Variants in EYA2 observed in about 807,000 individuals in gnomAD.
EYA2 encodes protein phosphatase EYA2.
A neutral mutation model predicts 69.2 loss-of-function variants in EYA2; 31 were observed. That is an observed-to-expected ratio of 0.45 (90% CI 0.34 to 0.60). EYA2 has a LOEUF of 0.60. Among genes scored for constraint, EYA2 ranks in the 20% least tolerant of loss-of-function variants. EYA2 has a pLI of 0.02. For missense variants in EYA2, 622 were observed against 701.2 expected (o/e 0.89, Z 1.28); for synonymous variants, 257 against 279.4 (o/e 0.92, Z 0.80).
chr20:47,059,636 A>C (rs772742207), intron 5 of EYA2, among the ~76,000 whole-genome samples: 1 of 152,238 alleles, frequency 6.6e-6, no homozygotes. Flanking sequence ...GGCATGAGCC[A>C]CTGTACCTGG....
intron 2 of EYA2, among the ~76,000 whole-genome samples, chr20:46,992,490 G>A (rs114844731): frequency 3.3e-4 from 51 of 152,274 alleles, no homozygotes; most frequent in East Asian, 2.5e-3. Context: ...GAGGAGTTAC[G>A]TAACCAGGTT....
intron 1 of EYA2, among the ~76,000 whole-genome samples, chr20:46,895,358 G>A (rs1409925491): frequency 6.6e-6 from 1 of 152,246 alleles, no homozygotes; most frequent in Non-Finnish European, 1.5e-5. Context: ...GGCGGTTCGC[G>A]ATAAGGGGCG....
chr20:46,987,964 C>CTCTCTCTATATATATATATATATA (rs1555809797), intron 1 of EYA2, among the ~76,000 whole-genome samples: 1 of 11,280 alleles, frequency 8.9e-5, no homozygotes, highest in Non-Finnish European at 1.7e-4. Flanking sequence ...CTCTCTCTCT[C>CTCTCTCTATATATATATATATATA]TATATATATA....
chr20:46,917,386 G>T (rs1359871217), intron 1 of EYA2, among the ~76,000 whole-genome samples: 1 of 152,228 alleles, frequency 6.6e-6, no homozygotes, highest in Non-Finnish European at 1.5e-5. Context: ...ACTTGCTTAA[G>T]ATTTGGCAAC....
intron 1 of EYA2, among the ~76,000 whole-genome samples, chr20:46,957,131 T>A (rs1210773): frequency 0.099 from 15,117 of 152,210 alleles, 2,294 homozygotes; most frequent in African/African-American, 0.33. Flanking sequence ...TAGGAAGCAC[T>A]CAATAAATGC....
At chr20:47,120,585 G>T (rs1227749226) in intron 9 of EYA2, among the ~76,000 whole-genome samples, 1 of 152,126 alleles carries the variant, frequency 6.6e-6, no homozygotes, top group Non-Finnish European at 1.5e-5. Flanking sequence ...CTGGAATCCT[G>T]CCGGGTGATG....
chr20:46,956,604 C>T (rs544924920), intron 1 of EYA2, among the ~76,000 whole-genome samples: 10 of 152,336 alleles, frequency 6.6e-5, no homozygotes, highest in South Asian at 6.2e-4. Context: ...ACACATTGCA[C>T]ACATCTCTTC....
intron 2 of EYA2, among the ~76,000 whole-genome samples, chr20:46,991,457 G>A (rs1981652667): frequency 6.6e-6 from 1 of 152,144 alleles, no homozygotes; most frequent in Non-Finnish European, 1.5e-5. Context: ...CACACCTTGG[G>A]GGCATGGTGC....
intron 7 of EYA2, among the ~76,000 whole-genome samples, chr20:47,079,604 T>A (rs1578358): frequency 0.89 from 135,865 of 152,230 alleles, 61,676 homozygotes; most frequent in Non-Finnish European, 0.98. Flanking sequence ...TTTATTTTTT[T>A]AAAAAAGAAT....
chr20:46,928,954 G>T (rs3810523), intron 1 of EYA2, among the ~76,000 whole-genome samples: 1 of 151,950 alleles, frequency 6.6e-6, no homozygotes, highest in Non-Finnish European at 1.5e-5. Flanking sequence ...TTCTGGCCCC[G>T]GTCTCCCACT....
At position 46,950,362 on chromosome 20, in the gene EYA2, T is replaced by A. The variant is rs115019043; in HGVS notation, c.-10-39639T>A. 2.0e-3 allele frequency among the ~76,000 whole-genome samples: 299 copies of A among 152,274 alleles called. 1 individual carries two copies. Among genetic ancestry groups the A allele is most frequent in the African/African-American group, 6.7e-3 (279 of 41,558 alleles). The stretch of plus-strand genomic sequence containing the variant: ...GGAGTCTCAAGTACCCTTCTAGCCC[T>A]GATATTCTAAGAGTCTGTGACTTGA... On this transcript the variant is annotated intron_variant, in intron 1 of 15. Transcript: ENST00000327619.
At chr20:47,089,748 A>C (rs2032015878) in intron 8 of EYA2, among the ~76,000 whole-genome samples, 1 of 152,174 alleles carries the variant, frequency 6.6e-6, no homozygotes, top group African/African-American at 2.4e-5. Context: ...CCACACTCTG[A>C]GAGTCCCTGA....
chr20:47,083,811 A>T (rs956063377), intron 7 of EYA2, among the ~76,000 whole-genome samples: 1 of 152,254 alleles, frequency 6.6e-6, no homozygotes, highest in Admixed American at 6.5e-5. Flanking sequence ...ATACAAATTT[A>T]AAACTGTTCA....
intron 1 of EYA2, among the ~76,000 whole-genome samples, chr20:46,976,295 G>A (rs894592117): frequency 6.6e-6 from 1 of 152,216 alleles, no homozygotes; most frequent in Non-Finnish European, 1.5e-5. Flanking sequence ...CTTGAGCCCA[G>A]GAGGTGGACA....
In EYA2 at chr20:46,966,777, T is replaced by C. The variant is rs566036761; in HGVS notation, c.-10-23224T>C. 2.6e-5 allele frequency among the ~76,000 whole-genome samples: 4 copies of C among 151,310 alleles called. No homozygotes were observed. The East Asian group carries it at 5.8e-4, about 22-fold the overall frequency. On this transcript the variant is annotated intron_variant, in intron 1 of 15. Coordinates refer to ENST00000327619, the MANE Select transcript of EYA2 (RefSeq NM_005244.5). The stretch of plus-strand genomic sequence containing the variant: ...GTGAGTCGGTATCATATTGTGCCAC[T>C]GCACTCCAGCCTGGGCGACAGAGCG...
intron 1 of EYA2, among the ~76,000 whole-genome samples, chr20:46,946,215 G>T (rs770466782): frequency 3.3e-5 from 5 of 152,192 alleles, no homozygotes; most frequent in Admixed American, 6.5e-5. Context: ...ATCAGCGGGA[G>T]GGCTGCTTCC....
At chr20:46,952,468 G>A (rs1309058640) in intron 1 of EYA2, among the ~76,000 whole-genome samples, 1 of 152,204 alleles carries the variant, frequency 6.6e-6, no homozygotes, top group Non-Finnish European at 1.5e-5. Context: ...TTGGCCGTTT[G>A]TTCATCAGTC....
At chr20:47,186,348 C>CTTTTTTTTTTTTTTTT (rs765874138) in intron 15 of EYA2, among the ~76,000 whole-genome samples, 1 of 72,316 alleles carries the variant, frequency 1.4e-5, no homozygotes, top group Non-Finnish European at 3.0e-5. Context: ...AGCACTTATT[C>CTTTTTTTTTTTTTTTT]TTTTTTTTTT....
At chr20:47,089,906 AGGG>A (rs2032020510) in intron 8 of EYA2, among the ~76,000 whole-genome samples, 1 of 151,904 alleles carries the variant, frequency 6.6e-6, no homozygotes, top group South Asian at 2.1e-4. Context: ...TGGAGGAACT[AGGG>A]GGGAGGAGGG....
Sources: allele counts gnomAD v4.1 joint callset (sites outside exome capture counted in the v4.1 genomes callset), GRCh38; gene constraint gnomAD v4.1.1; transcripts MANE v1.5; gene names NCBI Gene and HGNC (gene_info 2026-07-23, HGNC 2026-07-21).